Variants in BICDL1 observed in about 807,000 individuals in gnomAD.
BICDL1 encodes BICD family-like cargo adapter 1.
BICDL1 carries 20 observed loss-of-function variants against 76.8 expected under a neutral mutation model. The ratio of observed to expected loss-of-function variants is 0.26; its 90% CI spans 0.18 to 0.38. The LOEUF (loss-of-function observed/expected upper bound fraction) is 0.38, where lower values mean the gene tolerates loss of function less well. Ranked by LOEUF, BICDL1 falls within the 10% of genes least tolerant of loss-of-function variation. BICDL1 has a pLI of 1.00. For missense variants in BICDL1, 700 were observed against 798.6 expected, an observed-to-expected ratio of 0.88 and a Z score of 1.49; for synonymous variants, 383 against 337.1, an observed-to-expected ratio of 1.14 and a Z score of -1.49.
intron 7 of BICDL1, among the ~76,000 whole-genome samples, chr12:120,076,166 T>C (rs759636618): frequency 6.6e-6 from 1 of 152,110 alleles, no homozygotes. Flanking sequence ...CTCAAAAAGT[T>C]GTAGCTTGCT....
At chr12:120,021,101 G>A (rs1319585205) in intron 2 of BICDL1, among the ~76,000 whole-genome samples, 2 of 152,092 alleles carry the variant, frequency 1.3e-5, no homozygotes, top group African/African-American at 2.4e-5. Context: ...AGGCCAACAT[G>A]GCAAAACCCT....
chr12:120,030,960 A>G (rs756907170), intron 2 of BICDL1, among the ~76,000 whole-genome samples: 2 of 152,154 alleles, frequency 1.3e-5, no homozygotes, highest in Non-Finnish European at 2.9e-5. Flanking sequence ...CTTATAGAAC[A>G]TGTTTCTAGA....
At chr12:120,008,536 G>C (rs959081984) in intron 2 of BICDL1, among the ~76,000 whole-genome samples, 3 of 152,130 alleles carry the variant, frequency 2.0e-5, no homozygotes, top group Non-Finnish European at 4.4e-5. Context: ...CCTTGCAAAG[G>C]TTACATGTTA....
chr12:120,072,491 A>C lies in BICDL1; in HGVS notation c.1090-20A>C. The C allele has an allele frequency of 6.2e-7, 1 of 1,612,012 alleles. No homozygotes were observed. Among genetic ancestry groups the C allele is most frequent in the African/African-American group, 1.3e-5 (1 of 75,028 alleles). ...GTCTTCTCTAGAGTCTGAAATGAAT[A>C]GTAATTCTCTGTGGAACAGCTGAGA... is the stretch of plus-strand genomic sequence containing the variant. On this transcript the variant is annotated intron_variant, in intron 5 of 9. Coordinates refer to ENST00000548673, the MANE Select transcript of BICDL1 (RefSeq NM_001367886.1).
intron 2 of BICDL1, among the ~76,000 whole-genome samples, chr12:120,040,419 C>A (rs1349854215): frequency 6.6e-6 from 1 of 151,686 alleles, no homozygotes; most frequent in African/African-American, 2.4e-5. Flanking sequence ...CTTTTCTTTT[C>A]TTTTTGTTTT....
At chr12:120,055,050 T>C (rs1362406362) in intron 2 of BICDL1, among the ~76,000 whole-genome samples, 3 of 152,184 alleles carry the variant, frequency 2.0e-5, no homozygotes, top group African/African-American at 7.2e-5. Context: ...TTTTGTTACA[T>C]TTAAATTTTA....
intron 2 of BICDL1, among the ~76,000 whole-genome samples, chr12:120,052,202 A>G (rs1191510411): frequency 6.6e-6 from 1 of 151,768 alleles, no homozygotes; most frequent in Non-Finnish European, 1.5e-5. Context: ...TTGGCCTCCC[A>G]AAGTGCTGGG....
chr12:120,028,455 A>G (rs1952353950), intron 2 of BICDL1, among the ~76,000 whole-genome samples: 1 of 152,114 alleles, frequency 6.6e-6, no homozygotes, highest in South Asian at 2.1e-4. Context: ...CAGGCAGATC[A>G]CTTGAGGTCA....
Position 119,990,059 on chromosome 12 carries a change from C to T in BICDL1, c.191C>T (p.Ala64Val), listed in dbSNP as rs1459767006. The T allele has an allele frequency of 1.3e-6, 2 of 1,534,230 alleles. No individual in the cohort carries two copies. Among genetic ancestry groups the T allele is most frequent in the South Asian group, 1.2e-5 (1 of 82,924 alleles). ...TTAGAGGAGGAGCTGGCGCTGCTGG[C>T]GGCCGGGGAGCGGCCGTCCGACCCC... ...LALEEELALL[A>V]AGERPSDPGE... Residue 64 changes from alanine (A) to valine (V), a missense_variant, in exon 1 of 10, where the codon GCG (alanine) becomes GTG (valine). Around this residue, in one of 3 missense-constraint regions of BICDL1, gnomAD observed 225 missense variants for 199.6 expected, o/e 1.13. Coordinates refer to ENST00000548673, the MANE Select transcript of BICDL1 (RefSeq NM_001367886.1).
chr12:120,025,113 G>T (rs576517994), intron 2 of BICDL1, among the ~76,000 whole-genome samples: 2 of 148,680 alleles, frequency 1.3e-5, no homozygotes, highest in Non-Finnish European at 3.0e-5. Context: ...GCAGTGGCGC[G>T]ATCTCAGCTC....
At chr12:120,090,761 T>C in intron 9 of BICDL1, 1 of 572,474 alleles carries the variant, frequency 1.7e-6, no homozygotes, top group Non-Finnish European at 2.8e-6. Flanking sequence ...AGGTTGTTGG[T>C]GACCATTCCT....
chr12:120,063,685 C>T (rs1461186068), intron 3 of BICDL1, among the ~76,000 whole-genome samples: 1 of 152,104 alleles, frequency 6.6e-6, no homozygotes, highest in Non-Finnish European at 1.5e-5. Context: ...AAAATATTTA[C>T]AAGCAAGAAA....
At chr12:120,029,485 T>C (rs1157203728) in intron 2 of BICDL1, among the ~76,000 whole-genome samples, 1 of 152,210 alleles carries the variant, frequency 6.6e-6, no homozygotes, top group Non-Finnish European at 1.5e-5. Context: ...AGCAGCTTTC[T>C]TTAATAGCAT....
intron 8 of BICDL1, 139 bp from the exon 9 acceptor site, chr12:120,089,812 T>C (rs1874807704): frequency 3.0e-6 from 3 of 984,784 alleles, no homozygotes; most frequent in Non-Finnish European, 4.5e-6. Flanking sequence ...AACATCATAG[T>C]TATTGTTGCA....
At chr12:120,059,981 G>A (rs1281776925) in intron 2 of BICDL1, among the ~76,000 whole-genome samples, 2 of 152,198 alleles carry the variant, frequency 1.3e-5, no homozygotes, top group African/African-American at 4.8e-5. Flanking sequence ...CCAAAGTGCT[G>A]GGATTACAGG....
At chr12:120,021,978 TAA>T (rs1490296053) in intron 2 of BICDL1, among the ~76,000 whole-genome samples, 3 of 146,904 alleles carry the variant, frequency 2.0e-5, no homozygotes, top group African/African-American at 7.4e-5. Flanking sequence ...AAAAAATAAA[TAA>T]AAATATCATA....
chr12:120,086,434 G>C (rs1190855069), intron 8 of BICDL1, among the ~76,000 whole-genome samples: 1 of 152,174 alleles, frequency 6.6e-6, no homozygotes, highest in Non-Finnish European at 1.5e-5. Flanking sequence ...AATCATCTGG[G>C]GAGCGCTCAG....
intron 1 of BICDL1, among the ~76,000 whole-genome samples, chr12:119,994,367 TC>T (rs1170197068): frequency 3.9e-5 from 6 of 152,180 alleles, no homozygotes; most frequent in African/African-American, 1.4e-4. Context: ...GTACTGGACT[TC>T]TGAGCATATT....
intron 2 of BICDL1, among the ~76,000 whole-genome samples, chr12:120,059,988 C>T (rs1566251018): frequency 6.6e-6 from 1 of 152,234 alleles, no homozygotes; most frequent in Non-Finnish European, 1.5e-5. Flanking sequence ...GCTGGGATTA[C>T]AGGCATGAGC....
Sources: allele counts gnomAD v4.1 joint callset (sites outside exome capture counted in the v4.1 genomes callset), GRCh38; gene constraint gnomAD v4.1.1; regional missense constraint gnomAD v4.1.1; transcripts MANE v1.5; gene names NCBI Gene and HGNC (gene_info 2026-07-23, HGNC 2026-07-21).